The following HTR2C variants were observed in gnomAD, a reference collection of about 807,000 sequenced individuals.
HTR2C encodes the protein 5-hydroxytryptamine (serotonin) receptor 2C, G protein-coupled.
In HTR2C, 5 loss-of-function variants were observed where a neutral mutation model predicts 21.0. The observed-to-expected ratio is 0.24, with a 90% CI of 0.12 to 0.50. The LOEUF is 0.50. HTR2C is among the 20% of genes least tolerant of loss of function. The pLI, the probability that HTR2C is intolerant of heterozygous loss-of-function variation, is 0.98. For missense variants in HTR2C, 271 were observed against 371.2 expected (o/e 0.73, Z 2.22); for synonymous variants, 150 against 145.3 (o/e 1.03, Z -0.23).
At chrX:114,722,801 A>G (rs1556421009) in intron 2 of HTR2C, among the ~76,000 whole-genome samples, 1 of 107,920 alleles carries the variant, frequency 9.3e-6, no homozygotes, top group Non-Finnish European at 1.9e-5. Context: ...GGTTCTGTTT[A>G]TATGCTGGAT....
intron 1 of HTR2C, among the ~76,000 whole-genome samples, chrX:114,584,887 G>A (rs1927324108): frequency 9.3e-6 from 1 of 107,856 alleles, no homozygotes; most frequent in Non-Finnish European, 1.9e-5. Flanking sequence ...GTCTCTAAGG[G>A]GATTGGGAGC....
intron 4 of HTR2C, among the ~76,000 whole-genome samples, chrX:114,835,990 T>C (rs1419855105): frequency 9.6e-6 from 1 of 104,288 alleles, no homozygotes; most frequent in African/African-American, 3.4e-5. Context: ...GTGCCCCTGC[T>C]GGGGGGTGCC....
At chrX:114,629,111 G>T (rs1929506450) in intron 2 of HTR2C, among the ~76,000 whole-genome samples, 1 of 111,529 alleles carries the variant, frequency 9.0e-6, no homozygotes, top group African/African-American at 3.3e-5. Flanking sequence ...TCTATACTCT[G>T]GTTACCCAAC....
chrX:114,764,134 C>A (rs1168872515), intron 4 of HTR2C, among the ~76,000 whole-genome samples: 1 of 111,534 alleles, frequency 9.0e-6, no homozygotes, highest in Non-Finnish European at 1.9e-5. Flanking sequence ...TGCGGTGGCT[C>A]ATGCCTGTAA....
intron 2 of HTR2C, among the ~76,000 whole-genome samples, chrX:114,720,628 C>T (rs181304268): frequency 8.8e-5 from 8 of 90,508 alleles, no homozygotes; most frequent in Admixed American, 3.8e-4. Flanking sequence ...AACTCGTCAT[C>T]GAGCATTAGG....
intron 4 of HTR2C, among the ~76,000 whole-genome samples, chrX:114,841,984 C>T (rs994065021): frequency 9.0e-6 from 1 of 111,731 alleles, no homozygotes; most frequent in Non-Finnish European, 1.9e-5. Flanking sequence ...AAATAAGTAA[C>T]GTTAAAGTAA....
At chrX:114,676,478 A>G (rs1037911644) in intron 2 of HTR2C, among the ~76,000 whole-genome samples, 2 of 112,425 alleles carry the variant, frequency 1.8e-5, no homozygotes, top group Non-Finnish European at 3.8e-5. Context: ...TTTGAAGAGG[A>G]AAACAAAACA....
intron 2 of HTR2C, among the ~76,000 whole-genome samples, chrX:114,723,541 T>C (rs1180092975): frequency 1.8e-5 from 2 of 109,679 alleles, no homozygotes; most frequent in East Asian, 5.7e-4. Context: ...TTTAAGTTAT[T>C]TCTTGCCTTC....
intron 1 of HTR2C, among the ~76,000 whole-genome samples, chrX:114,611,690 G>GT (rs200906880): frequency 0.019 from 2,071 of 110,638 alleles, 55 homozygotes; most frequent in African/African-American, 0.065. Context: ...CAAAGTTGTG[G>GT]TTTTTTTTAG....
chrX:114,691,538 T>A (rs896065467), intron 2 of HTR2C, among the ~76,000 whole-genome samples: 6 of 111,881 alleles, frequency 5.4e-5, no homozygotes, highest in African/African-American at 1.9e-4. Flanking sequence ...TTGATTATAT[T>A]CTCTACCATA....
chrX:114,722,938 T>A (rs1208206356), intron 2 of HTR2C, among the ~76,000 whole-genome samples: 1 of 110,867 alleles, frequency 9.0e-6, no homozygotes, highest in Non-Finnish European at 1.9e-5. Context: ...TGAGGATTTT[T>A]GCATCAATGT....
At chrX:114,719,964 G>A (rs1933133000) in intron 2 of HTR2C, among the ~76,000 whole-genome samples, 1 of 110,881 alleles carries the variant, frequency 9.0e-6, no homozygotes, top group Non-Finnish European at 1.9e-5. Context: ...ACTAATATTT[G>A]GATACATAAA....
At chrX:114,696,146 T>C (rs782381880) in intron 2 of HTR2C, among the ~76,000 whole-genome samples, 61 of 111,406 alleles carry the variant, frequency 5.5e-4, no homozygotes, top group Non-Finnish European at 1.1e-3. Flanking sequence ...ATCGGTACTT[T>C]TCTCTGACTT....
At chrX:114,886,758 T>C (rs184755582) in intron 5 of HTR2C, among the ~76,000 whole-genome samples, 1 of 111,364 alleles carries the variant, frequency 9.0e-6, no homozygotes, top group Non-Finnish European at 1.9e-5. Context: ...AATAATTTCA[T>C]AGAGGAAAGG....
chrX:114,863,031 T>G (rs1412357795), intron 5 of HTR2C, among the ~76,000 whole-genome samples: 2 of 111,708 alleles, frequency 1.8e-5, no homozygotes, highest in African/African-American at 6.5e-5. Context: ...TTCATTCTTC[T>G]TATGGCTGAA....
chrX:114,857,263 A>G (rs782703022), intron 5 of HTR2C, among the ~76,000 whole-genome samples: 10 of 111,553 alleles, frequency 9.0e-5, no homozygotes, highest in Non-Finnish European at 9.4e-5. Flanking sequence ...AGAAATAATT[A>G]AAATCTATCT....
At chrX:114,800,418 C>T (rs2070334191) in intron 4 of HTR2C, among the ~76,000 whole-genome samples, 1 of 110,938 alleles carries the variant, frequency 9.0e-6, no homozygotes. Flanking sequence ...CCACATCCAT[C>T]TTTTATACAT....
At chrX:114,844,979 G>T (rs188961134) in intron 4 of HTR2C, among the ~76,000 whole-genome samples, 1 of 111,246 alleles carries the variant, frequency 9.0e-6, no homozygotes, top group Admixed American at 9.6e-5. Context: ...AATCAATGAG[G>T]AAAATAGAGG....
intron 4 of HTR2C, among the ~76,000 whole-genome samples, chrX:114,755,850 C>T (rs970271096): frequency 9.0e-6 from 1 of 110,818 alleles, no homozygotes; most frequent in Admixed American, 9.7e-5. Flanking sequence ...AAATTTAAAC[C>T]ACAATGAAGT....
Sources: allele counts gnomAD v4.1 joint callset (sites outside exome capture counted in the v4.1 genomes callset), GRCh38; gene constraint gnomAD v4.1.1; transcripts MANE v1.5; gene names NCBI Gene and HGNC (gene_info 2026-07-23, HGNC 2026-07-21).